Variants in LRP2BP observed in about 807,000 individuals in gnomAD.
The protein encoded by LRP2BP is LRP2-binding protein.
A neutral mutation model predicts 45.2 loss-of-function variants in LRP2BP; 38 were observed. The ratio of observed to expected loss-of-function variants is 0.84; its 90% CI spans 0.65 to 1.10. The LOEUF is 1.10. LRP2BP is among the 50% of genes least tolerant of loss of function. The pLI is 0.00. For synonymous variants in LRP2BP, 153 were observed against 153.9 expected (o/e 0.99, Z 0.04); for missense variants, 385 against 418.9 (o/e 0.92, Z 0.71).
chr4:185,378,712 T>C, intron 1 of LRP2BP: 1 of 986,176 alleles, frequency 1.0e-6, no homozygotes, highest in Non-Finnish European at 1.2e-6. Context: ...TGCCATGTTA[T>C]AAGATGGATC....
intron 5 of LRP2BP, 28 bp downstream of exon 5, chr4:185,374,291 A>G: frequency 6.2e-7 from 1 of 1,613,990 alleles, no homozygotes; most frequent in Non-Finnish European, 8.5e-7. Context: ...TTTCCTTCAA[A>G]CCTAATCTTG....
At chr4:185,369,355 T>G (rs2095406683) in intron 8 of LRP2BP, among the ~76,000 whole-genome samples, 1 of 149,578 alleles carries the variant, frequency 6.7e-6, no homozygotes, top group Non-Finnish European at 1.5e-5. Context: ...GTAGCTGGGT[T>G]TACAGGCACA....
intron 7 of LRP2BP, among the ~76,000 whole-genome samples, chr4:185,371,354 A>C (rs1391029668): frequency 1.3e-5 from 2 of 152,174 alleles, no homozygotes; most frequent in Admixed American, 6.5e-5. Flanking sequence ...CCTGGCTAAC[A>C]TGGTGAAACC....
chr4:185,379,406 C>G (rs2095448631), intron 1 of LRP2BP, among the ~76,000 whole-genome samples: 1 of 152,110 alleles, frequency 6.6e-6, no homozygotes, highest in Non-Finnish European at 1.5e-5. Context: ...ACTCAATATG[C>G]TACTTATCCA....
At chr4:185,394,245 C>T (rs1419655284) in intron 1 of LRP2BP, among the ~76,000 whole-genome samples, 1 of 126,942 alleles carries the variant, frequency 7.9e-6, no homozygotes, top group East Asian at 2.3e-4. Context: ...GGCAAGACAG[C>T]GAGATTGTGT....
At chr4:185,390,054 GC>G (rs1235379797) in intron 1 of LRP2BP, among the ~76,000 whole-genome samples, 2 of 152,082 alleles carry the variant, frequency 1.3e-5, no homozygotes, top group Non-Finnish European at 2.9e-5. Flanking sequence ...ATTTTAAAAT[GC>G]CCATAAACAA....
intron 1 of LRP2BP, 68 bp from the exon 2 acceptor site, chr4:185,378,275 A>G (rs910554801): frequency 3.8e-6 from 6 of 1,564,184 alleles, no homozygotes; most frequent in South Asian, 3.6e-5. Flanking sequence ...GAGAGACTCT[A>G]TTCCCACCAG....
At chr4:185,370,955 A>G (rs748255462) in intron 7 of LRP2BP, 141 bp from the exon 8 acceptor site, 62 of 876,428 alleles carry the variant, frequency 7.1e-5, no homozygotes, top group Non-Finnish European at 1.1e-4. Flanking sequence ...CTGTGTGGGG[A>G]AGGGTCCATG....
rs886817017 is a variant in LRP2BP at position 185,365,267 on chromosome 4, T to C, written c.*1913A>G. The C allele has an allele frequency of 7.2e-5, 11 of 152,212 alleles. No homozygotes were observed. Among genetic ancestry groups the C allele is most frequent in the Admixed American group, 2.0e-4 (3 of 15,278 alleles). The allele number at this position is 152,212 out of a possible 1,614,324, so 9.4% of individuals were successfully genotyped here. On this transcript the variant is annotated 3_prime_UTR_variant, in exon 9 of 9. Coordinates refer to ENST00000505916, the MANE Select transcript of LRP2BP (RefSeq NM_001377440.1). ...TACCATGTATGGCACACGTCAAAGT[T>C]TATGATTTCTGAAACCCATCTTTAA...
At chr4:185,371,540 TAAAAAAAAA>T (rs11288148) in intron 7 of LRP2BP, among the ~76,000 whole-genome samples, 1 of 78,302 alleles carries the variant, frequency 1.3e-5, no homozygotes, top group African/African-American at 4.8e-5. Context: ...AGACTCCGTC[TAAAAAAAAA>T]AAAAAAAAAA....
chr4:185,392,594 T>C (rs1390172641), intron 1 of LRP2BP, among the ~76,000 whole-genome samples: 2 of 151,666 alleles, frequency 1.3e-5, no homozygotes, highest in Admixed American at 6.6e-5. Context: ...CTTAAATCTG[T>C]AGATGTTTAA....
upstream of LRP2BP, chr4:185,396,895 G>A (rs753436386): frequency 2.5e-6 from 4 of 1,612,654 alleles, no homozygotes; most frequent in South Asian, 3.3e-5. Flanking sequence ...GCACTTCCAA[G>A]GACTCTTGTC....
At chr4:185,375,487 A>AAAAAAAAAAAAAATATATAT (rs1554018308) in intron 4 of LRP2BP, 126 bp downstream of exon 4, 1 of 12,010 alleles carries the variant, frequency 8.3e-5, no homozygotes, top group Non-Finnish European at 1.5e-4. Flanking sequence ...AAAAAAAAAA[A>AAAAAAAAAAAAAATATATAT]ATATATATAT....
In LRP2BP at chr4:185,364,253, A is replaced by G. The variant is rs2095378869; in HGVS notation, c.*2927T>C. 6.6e-6 allele frequency: 1 copy of G among 152,180 alleles called. No homozygotes were observed. The highest frequency in any genetic ancestry group is 2.4e-5 in the African/African-American group (1 of 41,430). 9.4% of individuals were successfully genotyped at this position (152,180 alleles called of 1,614,324 possible). A position where few individuals can be genotyped will look rare whatever the true frequency, so the allele number is the denominator to read the frequency against. Reference sequence around the variant, plus strand: ...GCAGGGCCGAGATGGGGGAGCGGAAAGAGGAGGGCAGCTACTTCAGGGGCT... The same window carrying G: ...GCAGGGCCGAGATGGGGGAGCGGAAGGAGGAGGGCAGCTACTTCAGGGGCT... On this transcript the variant is annotated 3_prime_UTR_variant, in exon 9 of 9. Transcript: ENST00000505916.
chr4:185,383,355 C>T (rs926493759), intron 1 of LRP2BP, among the ~76,000 whole-genome samples: 2 of 152,098 alleles, frequency 1.3e-5, no homozygotes, highest in African/African-American at 2.4e-5. Context: ...TGGTGCACAC[C>T]TATAGTCCTA....
chr4:185,376,725 G>GA (rs892081214), intron 3 of LRP2BP, among the ~76,000 whole-genome samples, 184 bp downstream of exon 3: 1 of 152,134 alleles, frequency 6.6e-6, no homozygotes, highest in Non-Finnish European at 1.5e-5. Flanking sequence ...ATTTTATGAA[G>GA]AAAAGTCAGG....
rs1430697844 is a variant in LRP2BP, at chr4:185,367,071, C to T, written c.*109G>A. The T allele has an allele frequency of 1.0e-6, 1 of 960,920 alleles. No individual in the cohort carries two copies. Among genetic ancestry groups the T allele is most frequent in the African/African-American group, 1.6e-5 (1 of 61,018 alleles). The allele number at this position is 960,920 out of a possible 1,614,324, so 59.5% of individuals were successfully genotyped here. ...AAGTAACATGTCACCTGTAAAATAC[C>T]CAGGATAGTGTAATTTGTGATGTGC... On this transcript the variant is annotated 3_prime_UTR_variant, in exon 9 of 9. Transcript: ENST00000505916.
Position 185,395,787 on chromosome 4 carries a change from CAATA to C in LRP2BP, c.-1034_-1031del. ...ATGAACTTGTTTTCTAACAGCATAA[CAATA>C]AACGTATTTATTTCTCCGAGCTTTC... is the stretch of plus-strand genomic sequence containing the variant. On this transcript the variant is annotated 5_prime_UTR_variant, in exon 1 of 9. The change creates a premature stop within an existing upstream ORF in the 5' untranslated region. Transcript: ENST00000505916. 1 of 985,334 alleles carries C rather than the reference CAATA, an allele frequency of 1.0e-6. No homozygotes were observed. The highest frequency in any genetic ancestry group is 4.7e-5 in the South Asian group (1 of 21,288). The allele number at this position is 985,334 out of a possible 1,614,324, so 61.0% of individuals were successfully genotyped here. A position where few individuals can be genotyped will look rare whatever the true frequency, so the allele number is the denominator to read the frequency against.
intron 1 of LRP2BP, among the ~76,000 whole-genome samples, chr4:185,389,426 C>T (rs1020427637): frequency 6.6e-6 from 1 of 150,926 alleles, no homozygotes; most frequent in African/African-American, 2.4e-5. Context: ...TGGCCAGACT[C>T]GTCTTGAACT....
Sources: allele counts gnomAD v4.1 joint callset (sites outside exome capture counted in the v4.1 genomes callset), GRCh38; gene constraint gnomAD v4.1.1; transcripts MANE v1.5; gene names NCBI Gene and HGNC (gene_info 2026-07-23, HGNC 2026-07-21).